ADAM7: variants seen among roughly 807,000 people sequenced by gnomAD.
ADAM7 encodes disintegrin and metalloproteinase domain-containing protein 7.
In ADAM7, 97 loss-of-function variants were observed where a neutral mutation model predicts 102.9. That is an observed-to-expected ratio of 0.94 (90% CI 0.80 to 1.12). The LOEUF (loss-of-function observed/expected upper bound fraction) is 1.12, where lower values mean the gene tolerates loss of function less well. Among genes scored for constraint, ADAM7 ranks in the 50% most tolerant of loss-of-function variants. The pLI is 0.00. For missense variants in ADAM7, 991 were observed against 908.7 expected (o/e 1.09, Z -1.16); for synonymous variants, 334 against 304.4 (o/e 1.10, Z -1.01).
chr8:24,445,494 C>G (rs1818522408), intron 2 of ADAM7, among the ~76,000 whole-genome samples: 1 of 152,204 alleles, frequency 6.6e-6, no homozygotes, highest in Non-Finnish European at 1.5e-5. Flanking sequence ...ACTACTCTCT[C>G]TTACTCCATC....
At chr8:24,501,327 T>C in intron 19 of ADAM7, 150 bp from the exon 20 acceptor site, 1 of 553,664 alleles carries the variant, frequency 1.8e-6, no homozygotes, top group South Asian at 3.0e-5. Flanking sequence ...AATTAGACAA[T>C]ATAAAAAAGC....
chr8:24,477,387 T>C (rs1819800864), intron 8 of ADAM7, among the ~76,000 whole-genome samples: 1 of 152,204 alleles, frequency 6.6e-6, no homozygotes, highest in African/African-American at 2.4e-5. Context: ...AAGAGATGTA[T>C]CTCTTTTCTT....
At chr8:24,482,023 A>G in intron 8 of ADAM7, 119 bp from the exon 9 acceptor site, 1 of 704,496 alleles carries the variant, frequency 1.4e-6, no homozygotes, top group Non-Finnish European at 2.3e-6. Flanking sequence ...TGCACTGTTT[A>G]CTAATGTACC....
chr8:24,499,466 T>TCAATTTTC (rs1820672898), intron 17 of ADAM7, 150 bp downstream of exon 17: 2 of 572,154 alleles, frequency 3.5e-6, no homozygotes, highest in Non-Finnish European at 5.5e-6. Flanking sequence ...TTTCATGTGT[T>TCAATTTTC]ATCAACAAAA....
In ADAM7 at chr8:24,501,576, T is replaced by C; in HGVS notation, c.2208T>C (p.Asn736=). 1.3e-6 allele frequency: 2 copies of C among 1,575,986 alleles called. No individual in the cohort carries two copies. The highest frequency in any genetic ancestry group is 1.2e-5 in the South Asian group (1 of 83,934). The change falls in exon 20 of 22, where the codon AAT becomes AAC. Residue 736 remains asparagine (N), a splice_region_variant and synonymous_variant. Transcript: ENST00000175238. The stretch of plus-strand genomic sequence containing the variant: ...TCCTGCCAGAAATTCATTTCCTAAA[T>C]GTAAGAAACTTCCATTTGCAACAGT... ...EPILPEIHFL[N]KPASKDSRGI...
At chr8:24,481,746 A>G (rs1211573342) in intron 8 of ADAM7, among the ~76,000 whole-genome samples, 1 of 152,204 alleles carries the variant, frequency 6.6e-6, no homozygotes, top group Non-Finnish European at 1.5e-5. Context: ...CTGCCACAGA[A>G]TGAACACTTG....
intron 16 of ADAM7, among the ~76,000 whole-genome samples, chr8:24,498,935 T>C (rs1018671942): frequency 7.2e-5 from 11 of 152,106 alleles, no homozygotes; most frequent in African/African-American, 2.6e-4. Context: ...CTTTGACAGA[T>C]TAACGCTGAA....
At chr8:24,467,815 A>C (rs563058324) in intron 6 of ADAM7, among the ~76,000 whole-genome samples, 103 of 152,236 alleles carry the variant, frequency 6.8e-4, no homozygotes, top group African/African-American at 2.1e-3. Flanking sequence ...CTGTAATCCC[A>C]ACACTTTGGG....
Position 24,467,184 on chromosome 8 carries a change from G to T in ADAM7, c.579+196G>T, listed in dbSNP as rs1819456394. The T allele has an allele frequency of 8.1e-5, 49 of 603,422 alleles. 1 individual carries two copies. The South Asian group carries it at 1.1e-3, about 13-fold the overall frequency. The allele number at this position is 603,422 out of a possible 1,614,324, so 37.4% of individuals were successfully genotyped here. ...TTATTTCATAGAGTTTGTTTAATCA[G>T]TTTCAAGAAAGGATGATTCTACAAT... On this transcript the variant is annotated intron_variant, in intron 6 of 21. Transcript: ENST00000175238.
At chr8:24,459,639 T>A (rs1819169013) in intron 3 of ADAM7, among the ~76,000 whole-genome samples, 1 of 152,038 alleles carries the variant, frequency 6.6e-6, no homozygotes, top group South Asian at 2.1e-4. Flanking sequence ...AAAAACCTTT[T>A]TGTAAAGATG....
Position 24,509,374 on chromosome 8 carries a change from TG to T in ADAM7, c.*831del, listed in dbSNP as rs1389247221. The T allele has an allele frequency of 4.1e-6, 4 of 985,320 alleles. No homozygotes were observed. The highest frequency in any genetic ancestry group is 4.8e-6 in the Non-Finnish European group (4 of 829,968). 61.0% of individuals were successfully genotyped at this position (985,320 alleles called of 1,614,324 possible). ...TTTGTTATGGGATGGGGGATTACCC[TG>T]GGAATGATTTCAGCTGCTTCTTACA... On this transcript the variant is annotated 3_prime_UTR_variant, in exon 22 of 22. Coordinates refer to ENST00000175238, the MANE Select transcript of ADAM7 (RefSeq NM_003817.4).
intron 3 of ADAM7, among the ~76,000 whole-genome samples, chr8:24,458,062 T>C (rs138073280): frequency 3.9e-5 from 6 of 152,352 alleles, no homozygotes; most frequent in African/African-American, 1.4e-4. Context: ...ATTTACAGTC[T>C]GTAAGCCATG....
intron 19 of ADAM7, among the ~76,000 whole-genome samples, chr8:24,501,222 A>T (rs902589282): frequency 1.4e-4 from 21 of 152,170 alleles, no homozygotes; most frequent in Non-Finnish European, 2.9e-4. Context: ...TTAGCCATAA[A>T]TGTATCCCAT....
intron 3 of ADAM7, among the ~76,000 whole-genome samples, chr8:24,462,588 G>A (rs1366042999): frequency 6.6e-6 from 1 of 152,078 alleles, no homozygotes; most frequent in African/African-American, 2.4e-5. Context: ...GAGTCTGCCT[G>A]CTTTTGCTCG....
At chr8:24,441,727 T>C (rs910485374) in intron 1 of ADAM7, among the ~76,000 whole-genome samples, 23 of 152,344 alleles carry the variant, frequency 1.5e-4, no homozygotes, top group Admixed American at 1.5e-3. Flanking sequence ...CAAAATTCTT[T>C]AACAGGTAAA....
intron 3 of ADAM7, among the ~76,000 whole-genome samples, chr8:24,454,569 G>T (rs942233240): frequency 1.3e-5 from 2 of 152,170 alleles, no homozygotes; most frequent in Non-Finnish European, 2.9e-5. Flanking sequence ...CCCTTTCTTT[G>T]ACTAGGAAAG....
At position 24,462,375 on chromosome 8, in the gene ADAM7, G is replaced by T. The variant is rs1446078447; in HGVS notation, c.234-1507G>T. 2.6e-5 allele frequency among the ~76,000 whole-genome samples: 4 copies of T among 152,130 alleles called. No individual in the cohort carries two copies. The South Asian group carries it at 6.2e-4, about 24-fold the overall frequency. ...TGTTACTGTGATTACTCCAAACTCTGTTATATGGCTTTTCAAATAAGAACA... is the reference window on the plus strand; with the variant it reads ...TGTTACTGTGATTACTCCAAACTCTTTTATATGGCTTTTCAAATAAGAACA... On this transcript the variant is annotated intron_variant, in intron 3 of 21. Coordinates refer to ENST00000175238, the MANE Select transcript of ADAM7 (RefSeq NM_003817.4).
intron 3 of ADAM7, among the ~76,000 whole-genome samples, chr8:24,456,425 G>A (rs1178786707): frequency 6.6e-6 from 1 of 152,116 alleles, no homozygotes; most frequent in Admixed American, 6.5e-5. Flanking sequence ...GAATAGTGTT[G>A]CAATGAATAT....
chr8:24,447,958 AC>A (rs1374310077), intron 3 of ADAM7, among the ~76,000 whole-genome samples: 1 of 151,260 alleles, frequency 6.6e-6, no homozygotes. Context: ...ACACACACAC[AC>A]ACACACACAC....
Sources: allele counts gnomAD v4.1 joint callset (sites outside exome capture counted in the v4.1 genomes callset), GRCh38; gene constraint gnomAD v4.1.1; transcripts MANE v1.5; gene names NCBI Gene and HGNC (gene_info 2026-07-23, HGNC 2026-07-21).